The following GRIN2B variants were observed in gnomAD, a reference collection of about 807,000 sequenced individuals.
GRIN2B encodes glutamate receptor ionotropic, NMDA 2B.
A neutral mutation model predicts 114.5 loss-of-function variants in GRIN2B; 5 were observed. That is an observed-to-expected ratio of 0.04 (90% CI 0.02 to 0.09). The LOEUF (loss-of-function observed/expected upper bound fraction) is 0.09, where lower values mean the gene tolerates loss of function less well. GRIN2B is among the 10% of genes least tolerant of loss of function. GRIN2B has a pLI of 1.00. For synonymous variants in GRIN2B, 787 were observed against 745.1 expected, an observed-to-expected ratio of 1.06 and a Z score of -0.92; for missense variants, 1,108 against 1,943.5, an observed-to-expected ratio of 0.57 and a Z score of 8.08.
chr12:13,575,098 TATAGAAA>T (rs1948757247), intron 10 of GRIN2B, among the ~76,000 whole-genome samples: 2 of 152,218 alleles, frequency 1.3e-5, no homozygotes, highest in Non-Finnish European at 2.9e-5. Context: ...TTATAAAACT[TATAGAAA>T]ATATAGGAGA....
intron 2 of GRIN2B, among the ~76,000 whole-genome samples, chr12:13,972,097 C>T (rs1235101911): frequency 6.6e-6 from 1 of 152,224 alleles, no homozygotes; most frequent in Non-Finnish European, 1.5e-5. Flanking sequence ...TCAAATATGG[C>T]TTCGCATTAG....
At chr12:13,607,212 AAT>A (rs1161585185) in intron 10 of GRIN2B, among the ~76,000 whole-genome samples, 1 of 105,942 alleles carries the variant, frequency 9.4e-6, no homozygotes, top group Non-Finnish European at 1.8e-5. Context: ...TAATATATAA[AAT>A]ATATATAAAA....
chr12:13,783,005 T>G (rs1446375719), intron 3 of GRIN2B, among the ~76,000 whole-genome samples: 1 of 152,018 alleles, frequency 6.6e-6, no homozygotes, highest in Non-Finnish European at 1.5e-5. Flanking sequence ...TCACTGTCCT[T>G]CCCCCCAAAA....
At chr12:13,685,768 C>A (rs1016293631) in intron 4 of GRIN2B, among the ~76,000 whole-genome samples, 1 of 152,022 alleles carries the variant, frequency 6.6e-6, no homozygotes, top group Non-Finnish European at 1.5e-5. Context: ...CAAGGAAAGA[C>A]CAGAGTAATG....
intron 2 of GRIN2B, among the ~76,000 whole-genome samples, chr12:13,867,735 A>ATAACACCAGCATGCCAATACAT: frequency 6.6e-6 from 1 of 152,316 alleles, no homozygotes; most frequent in South Asian, 2.1e-4. Flanking sequence ...CAATGGCATT[A>ATAACACCAGCATGCCAATACAT]TAACACCAGC....
intron 2 of GRIN2B, among the ~76,000 whole-genome samples, chr12:13,940,411 G>A (rs997712250): frequency 3.3e-5 from 5 of 151,774 alleles, no homozygotes; most frequent in Admixed American, 1.3e-4. Context: ...TTACCTTGCC[G>A]TTTGTCCTCC....
intron 3 of GRIN2B, among the ~76,000 whole-genome samples, chr12:13,788,641 A>G (rs1363629058): frequency 6.6e-6 from 1 of 152,172 alleles, no homozygotes; most frequent in Non-Finnish European, 1.5e-5. Context: ...TGCCTCTTAT[A>G]TAAACTTTGG....
chr12:13,599,078 G>A (rs1456089377), intron 10 of GRIN2B, among the ~76,000 whole-genome samples: 2 of 152,132 alleles, frequency 1.3e-5, no homozygotes, highest in Admixed American at 6.5e-5. Flanking sequence ...TGATGCTCTC[G>A]ATCAAAGCCA....
intron 2 of GRIN2B, among the ~76,000 whole-genome samples, chr12:13,973,608 T>TC (rs1862968371): frequency 1.3e-5 from 2 of 152,112 alleles, no homozygotes; most frequent in Non-Finnish European, 2.9e-5. Context: ...TCACTGTGCC[T>TC]CCCCTGCTCT....
In GRIN2B at chr12:13,550,699, C is replaced by T. The variant is rs1175577579; in HGVS notation, c.*12084G>A. 1 of 152,136 alleles carries T rather than the reference C, an allele frequency of 6.6e-6. No individual in the cohort carries two copies. The highest frequency in any genetic ancestry group is 6.5e-5 in the Admixed American group (1 of 15,278). The allele number at this position is 152,136 out of a possible 1,614,324, so 9.4% of individuals were successfully genotyped here. On this transcript the variant is annotated 3_prime_UTR_variant, in exon 14 of 14. Transcript: ENST00000609686. ...GCCTCTTTTCTGTAATCCAAGATGT[C>T]CAGCTATGTACAGCAGGCCCCATCC...
rs181983939 is a variant in GRIN2B, at chr12:13,914,994, T to G, written c.-18-48768A>C. On this transcript the variant is annotated intron_variant, in intron 2 of 13. Transcript: ENST00000609686. The stretch of plus-strand genomic sequence containing the variant: ...ACCTACCTAGTGCTCAGCAGTTCAG[T>G]AGGGTTTCCACAGTTAGCAATAATC... Among the ~76,000 whole-genome samples the G allele has an allele frequency of 2.2e-3, 330 of 152,282 alleles. 2 individuals carry two copies. The highest frequency in any genetic ancestry group is 7.6e-3 in the African/African-American group (314 of 41,566).
intron 4 of GRIN2B, among the ~76,000 whole-genome samples, chr12:13,741,733 T>C (rs1033411874): frequency 1.1e-4 from 17 of 152,090 alleles, no homozygotes; most frequent in Admixed American, 3.9e-4. Flanking sequence ...TTAATATTTC[T>C]GTATTTTATA....
chr12:13,892,562 G>C (rs914347077), intron 2 of GRIN2B, among the ~76,000 whole-genome samples: 1 of 152,212 alleles, frequency 6.6e-6, no homozygotes, highest in African/African-American at 2.4e-5. Context: ...AGGCCAGAAT[G>C]AAACTAAACT....
rs2136747319 is a variant in GRIN2B, at chr12:13,866,093, A to G, written c.116T>C (p.Val39Ala). 1 of 1,614,014 alleles carries G rather than the reference A, an allele frequency of 6.2e-7. No homozygotes were observed. The highest frequency in any genetic ancestry group is 2.2e-5 in the East Asian group (1 of 44,830). The change falls in exon 3 of 14, where the codon GTC becomes GCC. Residue 39 changes from valine to alanine, a missense_variant. Val to Ala is a moderately conservative substitution (Grantham distance 64). Around this residue, in one of 19 missense-constraint regions of GRIN2B, gnomAD observed 199 missense variants for 439.6 expected, o/e 0.45. Coordinates refer to ENST00000609686, the MANE Select transcript of GRIN2B (RefSeq NM_000834.5). ...CTCGTCGGAAGTGCCCACGAGGATG[A>G]CAGCAATGCCAATGCTGGGGGGGCT... Reference protein sequence around the residue: ...QKSPPSIGIAVILVGTSDEVA... With the variant: ...QKSPPSIGIAAILVGTSDEVA...
intron 3 of GRIN2B, among the ~76,000 whole-genome samples, chr12:13,846,270 A>G (rs956040635): frequency 6.6e-6 from 1 of 152,238 alleles, no homozygotes; most frequent in Non-Finnish European, 1.5e-5. Context: ...GGAGTACTCC[A>G]AAGAAGAATA....
At chr12:13,710,443 C>T (rs979974515) in intron 4 of GRIN2B, among the ~76,000 whole-genome samples, 10 of 152,130 alleles carry the variant, frequency 6.6e-5, no homozygotes, top group African/African-American at 2.4e-4. Context: ...CAAATTGTCC[C>T]TGTTTGCAGA....
chr12:13,966,661 T>A (rs1867794073), intron 2 of GRIN2B, among the ~76,000 whole-genome samples: 1 of 152,192 alleles, frequency 6.6e-6, no homozygotes, highest in Non-Finnish European at 1.5e-5. Context: ...ATGGGACAAC[T>A]AAGCATCACA....
chr12:13,940,442 A>G (rs1010392909), intron 2 of GRIN2B, among the ~76,000 whole-genome samples: 4 of 152,024 alleles, frequency 2.6e-5, no homozygotes, highest in Admixed American at 1.3e-4. Context: ...CTTGGCGCAC[A>G]CACACACACA....
rs188823140 is a variant in GRIN2B, at chr12:13,602,074, G to C, written c.2010+6529C>G. 8.5e-5 allele frequency among the ~76,000 whole-genome samples: 13 copies of C among 152,192 alleles called. No individual in the cohort carries two copies. The East Asian group carries it at 9.7e-4, about 11-fold the overall frequency. On this transcript the variant is annotated intron_variant, in intron 10 of 13. Coordinates refer to ENST00000609686, the MANE Select transcript of GRIN2B (RefSeq NM_000834.5). ...AGGAATGAAGGAGGCTCAGCGCTTG[G>C]GACAGCAGTCCATGGAAAGGGCCAG...
Sources: gnomAD v4.1 joint callset for allele counts (sites outside exome capture counted in the v4.1 genomes callset) on GRCh38, gnomAD v4.1.1 for gene constraint, gnomAD v4.1.1 regional missense constraint, MANE v1.5 for transcripts, NCBI Gene and HGNC (gene_info 2026-07-23, HGNC 2026-07-21) for gene names.